The following CLDN10 variants were observed in gnomAD, a reference collection of about 807,000 sequenced individuals.
The protein encoded by CLDN10 is claudin 10.
CLDN10 carries 15 observed loss-of-function variants against 22.9 expected under a neutral mutation model. The ratio of observed to expected loss-of-function variants is 0.65; its 90% confidence interval spans 0.44 to 1.01. The LOEUF (loss-of-function observed/expected upper bound fraction) is 1.01, where lower values mean the gene tolerates loss of function less well. Ranked by LOEUF, CLDN10 falls within the 50% of genes least tolerant of loss-of-function variation. The probability of loss-of-function intolerance (pLI) is 0.00; values close to 1 mark genes in which losing one functional copy is unlikely to be tolerated. For missense variants in CLDN10, 247 were observed against 287.8 expected (o/e 0.86, Z 1.03); for synonymous variants, 114 against 111.4 (o/e 1.02, Z -0.15).
chr13:95,548,258 G>C (rs1020621342), upstream of CLDN10, among the ~76,000 whole-genome samples: 3 of 152,188 alleles, frequency 2.0e-5, no homozygotes, highest in Non-Finnish European at 4.4e-5. Context: ...GGGTATTCCT[G>C]CTGGGGCCCA....
intron 1 of CLDN10, among the ~76,000 whole-genome samples, chr13:95,466,055 TA>T (rs1252867164): frequency 6.6e-6 from 1 of 151,760 alleles, no homozygotes; most frequent in Non-Finnish European, 1.5e-5. Flanking sequence ...TTTACTATTT[TA>T]AAAATATTTT....
chr13:95,441,417 T>A (rs1473480820), intron 1 of CLDN10, among the ~76,000 whole-genome samples: 3 of 152,112 alleles, frequency 2.0e-5, no homozygotes, highest in African/African-American at 7.2e-5. Context: ...CTAATTTTCA[T>A]CTCTTTGTGG....
intron 1 of CLDN10, among the ~76,000 whole-genome samples, chr13:95,500,962 CATCGAGGGCAG>C (rs1199000221): frequency 3.3e-5 from 5 of 152,026 alleles, no homozygotes; most frequent in Admixed American, 2.6e-4. Flanking sequence ...TAAGGGATAC[CATCGAGGGCAG>C]ATCATTTTGG....
intron 1 of CLDN10, among the ~76,000 whole-genome samples, chr13:95,502,325 A>G (rs2042994370): frequency 1.3e-5 from 2 of 152,190 alleles, no homozygotes; most frequent in South Asian, 4.1e-4. Context: ...GCTTAATTAT[A>G]GGAAGTCTGG....
At chr13:95,506,214 G>A (rs2138550350) in intron 1 of CLDN10, among the ~76,000 whole-genome samples, 1 of 152,138 alleles carries the variant, frequency 6.6e-6, no homozygotes, top group Middle Eastern at 3.4e-3. Context: ...GTTCTCATCA[G>A]CCCTGTCTAC....
In CLDN10 at chr13:95,471,440, C is replaced by CACACACACATATATAT. The variant is rs746573300; in HGVS notation, c.214+37394_214+37395insCACACACATATATATA. Among the ~76,000 whole-genome samples the CACACACACATATATAT allele has an allele frequency of 7.0e-4, 73 of 104,336 alleles. 1 individual carries two copies. The highest frequency in any genetic ancestry group is 1.6e-3 in the African/African-American group (41 of 25,236). The allele number at this position is 104,336 out of a possible 152,430, so 68.4% of individuals were successfully genotyped here. ...ATATACACACACACACACACACACA[C>CACACACACATATATAT]ATATATATATATATTTTTTTTTTTT... On this transcript the variant is annotated intron_variant, in intron 1 of 4. Transcript: ENST00000376873.
intron 1 of CLDN10, among the ~76,000 whole-genome samples, chr13:95,456,012 G>A (rs1459700763): frequency 3.3e-5 from 5 of 152,168 alleles, no homozygotes; most frequent in Non-Finnish European, 5.9e-5. Flanking sequence ...ACTTCAAGAT[G>A]ACTTAGCAGA....
chr13:95,511,062 C>G (rs567074765), intron 1 of CLDN10, among the ~76,000 whole-genome samples: 1 of 152,248 alleles, frequency 6.6e-6, no homozygotes, highest in South Asian at 2.1e-4. Context: ...TAAGAATTTT[C>G]TAGAAAATAA....
chr13:95,552,659 G>A (rs903881858), upstream of CLDN10: 64 of 1,393,838 alleles, frequency 4.6e-5, no homozygotes, highest in Non-Finnish European at 5.5e-5. Flanking sequence ...ACGGTGGGCG[G>A]AGGCGGAGGC....
chr13:95,526,349 G>A (rs1406815086), intron 1 of CLDN10, among the ~76,000 whole-genome samples: 1 of 152,106 alleles, frequency 6.6e-6, no homozygotes, highest in African/African-American at 2.4e-5. Context: ...GGGAATTTAA[G>A]AATTCATTAG....
chr13:95,475,725 G>T (rs1021830553), intron 1 of CLDN10, among the ~76,000 whole-genome samples: 4 of 152,208 alleles, frequency 2.6e-5, no homozygotes, highest in African/African-American at 7.2e-5. Flanking sequence ...AGCCAGCCTG[G>T]GGTCTATCCT....
intron 1 of CLDN10, among the ~76,000 whole-genome samples, chr13:95,466,278 T>C (rs2042580818): frequency 6.6e-6 from 1 of 152,074 alleles, no homozygotes; most frequent in Non-Finnish European, 1.5e-5. Flanking sequence ...TTTCTTTTTT[T>C]TGATGTTGTT....
intron 3 of CLDN10, among the ~76,000 whole-genome samples, chr13:95,566,703 A>C (rs1030368670): frequency 6.6e-6 from 1 of 152,158 alleles, no homozygotes; most frequent in Non-Finnish European, 1.5e-5. Context: ...GCCCATGCCT[A>C]TGTCCTGAAT....
chr13:95,465,139 C>G (rs147385832), intron 1 of CLDN10, among the ~76,000 whole-genome samples: 1 of 152,222 alleles, frequency 6.6e-6, no homozygotes, highest in East Asian at 1.9e-4. Context: ...ACACTTTTGC[C>G]TTTTGGTGGC....
intron 1 of CLDN10, among the ~76,000 whole-genome samples, chr13:95,447,468 GAT>G (rs1349838107): frequency 1.3e-5 from 2 of 152,150 alleles, no homozygotes; most frequent in African/African-American, 4.8e-5. Context: ...CCTCGCGGCT[GAT>G]GTCTGGTTCC....
rs570694645 is a variant in CLDN10, at chr13:95,437,366, A to G, written c.214+3319A>G. On this transcript the variant is annotated intron_variant, in intron 1 of 4. Coordinates refer to the CLDN10 transcript ENST00000376873. Reference sequence around the variant, plus strand: ...CAAAGCCAATTCACTATCTTTAGACACTAAGTCTACCATAAGCTAGGTCTC... The same window carrying G: ...CAAAGCCAATTCACTATCTTTAGACGCTAAGTCTACCATAAGCTAGGTCTC... Among the ~76,000 whole-genome samples the G allele has an allele frequency of 3.3e-5, 5 of 152,340 alleles. No individual in the cohort carries two copies. In the East Asian group the frequency reaches 9.6e-4, roughly 29 times the overall value.
intron 1 of CLDN10, among the ~76,000 whole-genome samples, chr13:95,443,825 C>A (rs1566646796): frequency 6.6e-6 from 1 of 152,154 alleles, no homozygotes; most frequent in African/African-American, 2.4e-5. Flanking sequence ...CATTTGCTAT[C>A]TGTAATAACT....
At chr13:95,524,745 A>G (rs12868940) in intron 1 of CLDN10, among the ~76,000 whole-genome samples, 15,154 of 152,210 alleles carry the variant, frequency 0.1, 928 homozygotes, top group Non-Finnish European at 0.12. Context: ...ACTCTTTTCC[A>G]CAGCGGCTGC....
chr13:95,510,803 T>G (rs1224041305), intron 1 of CLDN10, among the ~76,000 whole-genome samples: 1 of 152,132 alleles, frequency 6.6e-6, no homozygotes, highest in East Asian at 1.9e-4. Flanking sequence ...GCTAGGAAAT[T>G]AAGTGAAAAT....
Sources: allele counts gnomAD v4.1 joint callset (sites outside exome capture counted in the v4.1 genomes callset), GRCh38; gene constraint gnomAD v4.1.1; transcripts MANE v1.5; gene names NCBI Gene and HGNC (gene_info 2026-07-23, HGNC 2026-07-21).